Variants in ZNF385D observed in about 807,000 individuals in gnomAD.
The protein encoded by ZNF385D is zinc finger protein 659.
ZNF385D carries 15 observed loss-of-function variants against 35.8 expected under a neutral mutation model. That is an observed-to-expected ratio of 0.42 (90% CI 0.28 to 0.64). The LOEUF (loss-of-function observed/expected upper bound fraction) is 0.64, where lower values mean the gene tolerates loss of function less well. Among genes scored for constraint, ZNF385D ranks in the 30% least tolerant of loss-of-function variants. The pLI, the probability that ZNF385D is intolerant of heterozygous loss-of-function variation, is 0.23. For synonymous variants in ZNF385D, 212 were observed against 186.8 expected (o/e 1.13, Z -1.10); for missense variants, 474 against 494.6 (o/e 0.96, Z 0.39).
intron 2 of ZNF385D, among the ~76,000 whole-genome samples, chr3:22,352,122 T>C (rs1026800677): frequency 7.9e-5 from 12 of 152,166 alleles, no homozygotes; most frequent in African/African-American, 2.4e-4. Context: ...TCTTCCACCC[T>C]GCAAGACTAA....
At chr3:22,010,626 T>C (rs147597676) in intron 3 of ZNF385D, among the ~76,000 whole-genome samples, 3 of 152,312 alleles carry the variant, frequency 2.0e-5, no homozygotes, top group East Asian at 1.9e-4. Context: ...TGTCTCTGAA[T>C]GGACATGAGG....
chr3:21,624,160 T>A (rs1478682831), intron 2 of ZNF385D, among the ~76,000 whole-genome samples: 1 of 152,112 alleles, frequency 6.6e-6, no homozygotes, highest in East Asian at 1.9e-4. Flanking sequence ...CCAACCGCAC[T>A]ATTTTAAGAA....
intron 1 of ZNF385D, among the ~76,000 whole-genome samples, chr3:21,708,888 A>G (rs903921570): frequency 4.0e-5 from 6 of 149,202 alleles, no homozygotes; most frequent in Non-Finnish European, 7.5e-5. Flanking sequence ...CACACACACT[A>G]ACAACAACAA....
At chr3:21,795,908 T>A (rs1409786932) in intron 3 of ZNF385D, among the ~76,000 whole-genome samples, 1 of 152,230 alleles carries the variant, frequency 6.6e-6, no homozygotes, top group Non-Finnish European at 1.5e-5. Flanking sequence ...AGACCTAGCA[T>A]GTAAAAGCTA....
intron 1 of ZNF385D, among the ~76,000 whole-genome samples, chr3:21,710,835 C>A (rs996750566): frequency 2.0e-5 from 3 of 152,044 alleles, no homozygotes; most frequent in African/African-American, 7.2e-5. Flanking sequence ...ATGAGCTAGG[C>A]TGATTAATTG....
intron 3 of ZNF385D, among the ~76,000 whole-genome samples, chr3:22,007,292 A>T (rs924416296): frequency 6.6e-6 from 1 of 152,220 alleles, no homozygotes; most frequent in Non-Finnish European, 1.5e-5. Context: ...ATATCCTGGA[A>T]ATCAATTCAT....
At chr3:22,150,482 A>G (rs942421295) in intron 3 of ZNF385D, among the ~76,000 whole-genome samples, 1 of 152,038 alleles carries the variant, frequency 6.6e-6, no homozygotes, top group African/African-American at 2.4e-5. Flanking sequence ...CAGATCAACA[A>G]TTAATAGTGG....
intron 2 of ZNF385D, among the ~76,000 whole-genome samples, chr3:22,181,893 C>G (rs1012494214): frequency 6.6e-6 from 1 of 151,980 alleles, no homozygotes; most frequent in Non-Finnish European, 1.5e-5. Context: ...TATGAGTTTC[C>G]CTGTGAAGAG....
chr3:22,314,155 GGTGGCA>G (rs566231325), intron 2 of ZNF385D, among the ~76,000 whole-genome samples: 133 of 152,134 alleles, frequency 8.7e-4, no homozygotes, highest in Non-Finnish European at 1.5e-3. Flanking sequence ...TTGGAGAACA[GGTGGCA>G]GTTGGTTATA....
intron 3 of ZNF385D, among the ~76,000 whole-genome samples, chr3:22,096,498 G>C (rs1701641579): frequency 6.6e-6 from 1 of 151,950 alleles, no homozygotes; most frequent in African/African-American, 2.4e-5. Flanking sequence ...ACTCTAATAA[G>C]AACTCTCCTC....
At chr3:21,821,163 A>C (rs1694197434) in intron 3 of ZNF385D, among the ~76,000 whole-genome samples, 1 of 152,050 alleles carries the variant, frequency 6.6e-6, no homozygotes, top group African/African-American at 2.4e-5. Context: ...TTTCTAAGTT[A>C]TTTTATGAGA....
chr3:22,133,096 A>G (rs1442024668), intron 3 of ZNF385D, among the ~76,000 whole-genome samples: 1 of 152,202 alleles, frequency 6.6e-6, no homozygotes, highest in Non-Finnish European at 1.5e-5. Context: ...CAGCTAATTT[A>G]TCTCTTTTAA....
At chr3:21,650,466 G>A (rs1003230503) in intron 2 of ZNF385D, among the ~76,000 whole-genome samples, 1 of 152,042 alleles carries the variant, frequency 6.6e-6, no homozygotes, top group African/African-American at 2.4e-5. Flanking sequence ...ATGATACATA[G>A]ATGAGAAAGC....
intron 3 of ZNF385D, among the ~76,000 whole-genome samples, chr3:21,952,061 C>G (rs994089030): frequency 1.3e-5 from 2 of 148,930 alleles, no homozygotes; most frequent in Non-Finnish European, 2.9e-5. Flanking sequence ...AACAATGGGA[C>G]TCTTTTTAAG....
At chr3:21,886,369 A>C (rs199858208) in intron 3 of ZNF385D, among the ~76,000 whole-genome samples, 1 of 73,986 alleles carries the variant, frequency 1.4e-5, no homozygotes, top group Non-Finnish European at 2.8e-5. Flanking sequence ...ATGAGGAAGA[A>C]AAAAAAAACT....
chr3:21,915,871 G>A (rs1434443309), intron 3 of ZNF385D, among the ~76,000 whole-genome samples: 1 of 152,082 alleles, frequency 6.6e-6, no homozygotes, highest in South Asian at 2.1e-4. Context: ...ACCAAACACG[G>A]CAAAAATAAC....
chr3:21,920,815 A>G (rs1228629085), intron 3 of ZNF385D, among the ~76,000 whole-genome samples: 1 of 152,156 alleles, frequency 6.6e-6, no homozygotes, highest in African/African-American at 2.4e-5. Context: ...TATGACAACA[A>G]TCTTGCAGAC....
chr3:22,062,902 C>G (rs538909569), intron 3 of ZNF385D, among the ~76,000 whole-genome samples: 1 of 152,292 alleles, frequency 6.6e-6, no homozygotes, highest in Admixed American at 6.5e-5. Context: ...TATCCTTCAG[C>G]CCTAGTTAGG....
intron 2 of ZNF385D, among the ~76,000 whole-genome samples, chr3:21,621,586 T>TGTGTGTGTGTGC (rs745931181): frequency 1.3e-5 from 2 of 148,912 alleles, no homozygotes; most frequent in Non-Finnish European, 3.0e-5. Context: ...TGTGTGTGTG[T>TGTGTGTGTGTGC]GCAGTGTAGT....
Sources: allele counts gnomAD v4.1 joint callset (sites outside exome capture counted in the v4.1 genomes callset), GRCh38; gene constraint gnomAD v4.1.1; transcripts MANE v1.5; gene names NCBI Gene and HGNC (gene_info 2026-07-23, HGNC 2026-07-21).